GALNT17: variants seen among roughly 807,000 people sequenced by gnomAD.
GALNT17 encodes the protein UDP-GalNAc:polypeptide N-acetylgalactosaminyltransferase-like 3.
Under a neutral mutation model 63.7 loss-of-function variants are expected in GALNT17, and 29 were observed. The observed-to-expected ratio is 0.46, with a 90% CI of 0.34 to 0.62. The LOEUF (loss-of-function observed/expected upper bound fraction) is 0.62, where lower values mean the gene tolerates loss of function less well. Among genes scored for constraint, GALNT17 ranks in the 20% least tolerant of loss-of-function variants. The probability of loss-of-function intolerance (pLI) is 0.01; values close to 1 mark genes in which losing one functional copy is unlikely to be tolerated. For missense variants in GALNT17, 603 were observed against 799.6 expected, an observed-to-expected ratio of 0.75 and a Z score of 2.97; for synonymous variants, 305 against 318.3, an observed-to-expected ratio of 0.96 and a Z score of 0.45.
chr7:71,307,463 G>C (rs529692049), intron 1 of GALNT17, among the ~76,000 whole-genome samples: 17 of 151,960 alleles, frequency 1.1e-4, no homozygotes, highest in African/African-American at 3.9e-4. Context: ...CCATGAGAGA[G>C]GAAACTCACA....
rs572877620 is a variant in GALNT17 at position 71,243,971 on chromosome 7, T to C, written c.239-91579T>C. Among the ~76,000 whole-genome samples, 3 of 152,188 alleles carry C rather than the reference T, an allele frequency of 2.0e-5. No individual in the cohort carries two copies. The East Asian group carries it at 5.8e-4, about 29-fold the overall frequency. On this transcript the variant is annotated intron_variant, in intron 1 of 10. Transcript: ENST00000333538. ...TGAGAAAATGGGAAAATGGAACCGA[T>C]GTGGATGACTATGCCAAGAAATTGG...
At chr7:71,527,805 TATACACACC>T (rs1312097720) in intron 5 of GALNT17, among the ~76,000 whole-genome samples, 8 of 152,164 alleles carry the variant, frequency 5.3e-5, no homozygotes, top group African/African-American at 1.9e-4. Context: ...CACACACGCA[TATACACACC>T]ATACACACAC....
chr7:71,595,927 T>C (rs1789878969), intron 6 of GALNT17, among the ~76,000 whole-genome samples: 1 of 152,184 alleles, frequency 6.6e-6, no homozygotes, highest in Non-Finnish European at 1.5e-5. Flanking sequence ...GAGATGAGGA[T>C]CCCATAAAGG....
chr7:71,507,995 A>G (rs1788294530), intron 5 of GALNT17, among the ~76,000 whole-genome samples: 1 of 152,190 alleles, frequency 6.6e-6, no homozygotes, highest in Non-Finnish European at 1.5e-5. Flanking sequence ...ACAAAATATT[A>G]AGTATTTTAA....
intron 1 of GALNT17, among the ~76,000 whole-genome samples, chr7:71,312,754 G>GT (rs1456848575): frequency 6.6e-6 from 1 of 152,100 alleles, no homozygotes; most frequent in Non-Finnish European, 1.5e-5. Flanking sequence ...TCTCCAATAT[G>GT]TTTACATTTT....
chr7:71,427,532 A>C (rs1384311047), intron 5 of GALNT17, among the ~76,000 whole-genome samples: 1 of 152,112 alleles, frequency 6.6e-6, no homozygotes, highest in Non-Finnish European at 1.5e-5. Context: ...CCATGCAGGC[A>C]GTGACTCCCT....
chr7:71,576,778 G>C (rs547741782), intron 6 of GALNT17, among the ~76,000 whole-genome samples: 1 of 152,242 alleles, frequency 6.6e-6, no homozygotes, highest in South Asian at 2.1e-4. Flanking sequence ...ATGTTGCCCA[G>C]GATGGTCTCA....
chr7:71,542,154 G>A (rs769846018), intron 5 of GALNT17, among the ~76,000 whole-genome samples: 34 of 152,272 alleles, frequency 2.2e-4, no homozygotes, highest in Admixed American at 4.6e-4. Flanking sequence ...GAGATGTGGG[G>A]AACAGGCTTG....
chr7:71,523,744 A>AT (rs566638473), intron 5 of GALNT17, among the ~76,000 whole-genome samples: 2 of 137,550 alleles, frequency 1.5e-5, no homozygotes, highest in Non-Finnish European at 3.1e-5. Flanking sequence ...CCTGTCTCAA[A>AT]AAATAAATAA....
At chr7:71,482,876 G>T (rs190876648) in intron 5 of GALNT17, among the ~76,000 whole-genome samples, 1 of 152,116 alleles carries the variant, frequency 6.6e-6, no homozygotes, top group Non-Finnish European at 1.5e-5. Context: ...CTGCACATGC[G>T]TAGTTCACAA....
intron 1 of GALNT17, among the ~76,000 whole-genome samples, chr7:71,179,186 T>C (rs1017500947): frequency 3.9e-5 from 6 of 152,096 alleles, no homozygotes; most frequent in African/African-American, 1.4e-4. Context: ...ACCCCTCTGC[T>C]CATTGAGATA....
At chr7:71,269,611 C>T (rs1417625249) in intron 1 of GALNT17, among the ~76,000 whole-genome samples, 1 of 151,842 alleles carries the variant, frequency 6.6e-6, no homozygotes, top group Non-Finnish European at 1.5e-5. Context: ...CAGAGGTCCT[C>T]GACCCACACG....
At chr7:71,543,894 G>C (rs1209704300) in intron 5 of GALNT17, among the ~76,000 whole-genome samples, 1 of 151,062 alleles carries the variant, frequency 6.6e-6, no homozygotes, top group East Asian at 2.0e-4. Flanking sequence ...ACAGATTCAA[G>C]AGATTCTTCT....
chr7:71,195,127 C>T (rs987034009), intron 1 of GALNT17, among the ~76,000 whole-genome samples: 2 of 152,222 alleles, frequency 1.3e-5, no homozygotes, highest in Non-Finnish European at 2.9e-5. Context: ...ATCCTCAAAA[C>T]AACTCTAAAG....
intron 5 of GALNT17, among the ~76,000 whole-genome samples, chr7:71,470,212 AAACAAC>A (rs746376968): frequency 6.6e-6 from 1 of 152,184 alleles, no homozygotes; most frequent in Admixed American, 6.5e-5. Flanking sequence ...CCCTCTCAAA[AAACAAC>A]AACAACAATA....
intron 1 of GALNT17, among the ~76,000 whole-genome samples, chr7:71,253,490 C>T (rs1790237185): frequency 6.6e-6 from 1 of 151,536 alleles, no homozygotes; most frequent in African/African-American, 2.4e-5. Context: ...GGTGGGGACA[C>T]AGCCAAACCA....
chr7:71,196,287 G>A (rs943561908), intron 1 of GALNT17, among the ~76,000 whole-genome samples: 1 of 152,046 alleles, frequency 6.6e-6, no homozygotes, highest in Non-Finnish European at 1.5e-5. Flanking sequence ...ACAGGCACCT[G>A]CCACCATGCC....
At chr7:71,181,751 C>T (rs1422731949) in intron 1 of GALNT17, among the ~76,000 whole-genome samples, 1 of 152,138 alleles carries the variant, frequency 6.6e-6, no homozygotes, top group Non-Finnish European at 1.5e-5. Flanking sequence ...GTGGCACACA[C>T]CTATAGTCCC....
At position 71,179,326 on chromosome 7, in the gene GALNT17, AACCAATGTTCATCTT is replaced by A. The variant is rs1232240059; in HGVS notation, c.238+46289_238+46303del. Among the ~76,000 whole-genome samples the A allele has an allele frequency of 2.6e-5, 4 of 152,178 alleles. No homozygotes were observed. In the East Asian group the frequency reaches 7.7e-4, roughly 29 times the overall value. ...TGAGTTGTCCTGCCTTTCCGGACTG[AACCAATGTTCATCTT>A]ACATATGTTGATTGATGTCTCATGT... On this transcript the variant is annotated intron_variant, in intron 1 of 10. Coordinates refer to ENST00000333538, the MANE Select transcript of GALNT17 (RefSeq NM_022479.3).
Sources: allele counts gnomAD v4.1 joint callset (sites outside exome capture counted in the v4.1 genomes callset), GRCh38; gene constraint gnomAD v4.1.1; transcripts MANE v1.5; gene names NCBI Gene and HGNC (gene_info 2026-07-23, HGNC 2026-07-21).